The following PI16 variants were observed in gnomAD, a reference collection of about 807,000 sequenced individuals.
PI16 encodes the protein PSP94-binding protein.
A neutral mutation model predicts 38.0 loss-of-function variants in PI16; 35 were observed. That is an observed-to-expected ratio of 0.92 (90% CI 0.70 to 1.22). PI16 has a LOEUF of 1.22. Ranked by LOEUF, PI16 falls within the 50% of genes most tolerant of loss-of-function variation. PI16 has a pLI of 0.00. For missense variants in PI16, 572 were observed against 593.8 expected (o/e 0.96, Z 0.38); for synonymous variants, 275 against 252.9 (o/e 1.09, Z -0.83).
In PI16 at chr6:36,963,380, A is replaced by G. The variant is rs759461289; in HGVS notation, c.1038A>G (p.Ala346=). 5.9e-5 allele frequency: 95 copies of G among 1,614,050 alleles called. No homozygotes were observed. The highest frequency in any genetic ancestry group is 4.2e-5 in the Non-Finnish European group (49 of 1,180,026). Residue 346 remains alanine (A), a synonymous_variant, in exon 5 of 7, where the codon GCA becomes GCG. Transcript: ENST00000373674. ...ACCCCAAGATGTCCCTGACAGGGGC[A>G]AGGGAACTCCTACCCCATGCCCAGG... The part of the protein sequence containing the change: ...SLDPKMSLTG[A]RELLPHAQEE...
Position 36,954,783 on chromosome 6 carries a change from T to C in PI16, c.23T>C (p.Leu8Pro). 1 of 1,613,636 alleles carries C rather than the reference T, an allele frequency of 6.2e-7. No homozygotes were observed. Among genetic ancestry groups the C allele is most frequent in the South Asian group, 1.1e-5 (1 of 91,060 alleles). The stretch of plus-strand genomic sequence containing the variant: ...ACCATGCACGGCTCCTGCAGTTTCC[T>C]GATGCTTCTGCTGCCGCTACTGCTA... MHGSCSF[L>P]MLLLPLLLLL... Residue 8 changes from leucine to proline, a missense_variant, in exon 1 of 7, where the codon CTG becomes CCG. Leu to Pro is a moderately conservative substitution (Grantham distance 98). Transcript: ENST00000373674.
In PI16 at chr6:36,954,866, A is replaced by G; in HGVS notation, c.106A>G (p.Met36Val). The G allele has an allele frequency of 6.2e-7, 1 of 1,613,916 alleles. No homozygotes were observed. The highest frequency in any genetic ancestry group is 8.5e-7 in the Non-Finnish European group (1 of 1,179,986). Reference sequence around the variant, plus strand: ...CCTCACAGATGAGGAGAAACGTTTGATGGTGGAGCTGCACAACCTCTACCG... The same window carrying G: ...CCTCACAGATGAGGAGAAACGTTTGGTGGTGGAGCTGCACAACCTCTACCG... ...GALTDEEKRL[M>V]VELHNLYRAQ... is the part of the protein sequence containing the mutation. Residue 36 changes from methionine (M) to valine (V), a missense_variant, in exon 1 of 7, where the codon ATG becomes GTG. Physicochemically the swap from Met to Val is conservative, Grantham distance 21. Transcript: ENST00000373674.
intron 1 of PI16, among the ~76,000 whole-genome samples, chr6:36,956,307 G>A (rs910980977): frequency 1.3e-5 from 2 of 152,194 alleles, no homozygotes; most frequent in African/African-American, 4.8e-5. Context: ...CCTGATTGAG[G>A]CCTGTGACTC....
Position 36,962,862 on chromosome 6 carries a change from T to C in PI16, c.593-73T>C. On this transcript the variant is annotated intron_variant, in intron 4 of 6. Transcript: ENST00000373674. The surrounding 1 kb of genome is among the most constrained non-coding windows in gnomAD (Gnocchi z 4.1). Reference sequence around the variant, plus strand: ...CTGGTAGGACATTTGGTCGCGTCACTTGGTTTGCAGTGCCATGAGAGATGT... The same window carrying C: ...CTGGTAGGACATTTGGTCGCGTCACCTGGTTTGCAGTGCCATGAGAGATGT... 1 of 1,332,310 alleles carries C rather than the reference T, an allele frequency of 7.5e-7. No individual in the cohort carries two copies. The highest frequency in any genetic ancestry group is 1.0e-6 in the Non-Finnish European group (1 of 966,594). 82.5% of individuals were successfully genotyped at this position (1,332,310 alleles called of 1,614,324 possible). A position where few individuals can be genotyped will look rare whatever the true frequency, so the allele number is the denominator to read the frequency against.
upstream of PI16, among the ~76,000 whole-genome samples, chr6:36,951,340 C>T (rs1056604817): frequency 3.3e-5 from 5 of 151,362 alleles, no homozygotes; most frequent in Non-Finnish European, 7.4e-5. Context: ...GCCTTGACCT[C>T]CCAGGCCCAA....
At chr6:36,952,590 T>G (rs1012543789), upstream of PI16, among the ~76,000 whole-genome samples, 1 of 152,250 alleles carries the variant, frequency 6.6e-6, no homozygotes, top group Non-Finnish European at 1.5e-5. Context: ...CTTGGTACCC[T>G]TGTCTAAAAT....
rs753169563 is a variant in PI16 at position 36,954,906 on chromosome 6, C to T, written c.146C>T (p.Pro49Leu). The change falls in exon 1 of 7, where the codon CCG becomes CTG. Residue 49 changes from proline to leucine, a missense_variant. By Grantham distance (98) the Pro-to-Leu change is moderately conservative (BLOSUM62 -3). Coordinates refer to ENST00000373674, the MANE Select transcript of PI16 (RefSeq NM_153370.3). ...LHNLYRAQVS[P>L]TASDMLHMRW... ...AACCTCTACCGGGCCCAGGTATCCC[C>T]GACGGCCTCAGACATGCTGCACATG... is the stretch of plus-strand genomic sequence containing the variant. 1.6e-4 allele frequency: 260 copies of T among 1,613,444 alleles called. No homozygotes were observed. Among genetic ancestry groups the T allele is most frequent in the Middle Eastern group, 3.5e-4 (2 of 5,700 alleles).
chr6:36,953,390 T>G (rs1763132778), upstream of PI16, among the ~76,000 whole-genome samples: 1 of 152,128 alleles, frequency 6.6e-6, no homozygotes, highest in Non-Finnish European at 1.5e-5. Context: ...TTCTTTTTCA[T>G]TGCTTTTATA....
upstream of PI16, among the ~76,000 whole-genome samples, chr6:36,950,433 T>C (rs879734708): frequency 7.2e-5 from 11 of 152,250 alleles, no homozygotes; most frequent in Non-Finnish European, 1.5e-4. This position sits in a 1 kb window ranked among gnomAD's most constrained non-coding sequence, Gnocchi z 4.2. Context: ...ATTTTGTGTA[T>C]ACTACACTAT....
upstream of PI16, among the ~76,000 whole-genome samples, chr6:36,953,906 G>C (rs1763141274): frequency 6.6e-6 from 1 of 152,144 alleles, no homozygotes; most frequent in Non-Finnish European, 1.5e-5. Context: ...AGAGCACAGG[G>C]GTCCCAGCAT....
chr6:36,950,440 C>T (rs1440444714), upstream of PI16, among the ~76,000 whole-genome samples: 4 of 152,138 alleles, frequency 2.6e-5, no homozygotes, highest in African/African-American at 7.2e-5. This position sits in a 1 kb window ranked among gnomAD's most constrained non-coding sequence, Gnocchi z 4.2. Flanking sequence ...GTATACTACA[C>T]TATTAGTTCA....
intron 1 of PI16, among the ~76,000 whole-genome samples, chr6:36,957,925 G>A (rs960397886): frequency 3.3e-5 from 5 of 152,198 alleles, no homozygotes; most frequent in Admixed American, 6.5e-5. Flanking sequence ...GGCCCCCAGC[G>A]CCCTGCCCCT....
In PI16 at chr6:36,962,351, G is replaced by A. The variant is rs569608288; in HGVS notation, c.592+377G>A. 4.6e-5 allele frequency among the ~76,000 whole-genome samples: 7 copies of A among 152,352 alleles called. No individual in the cohort carries two copies. The highest frequency in any genetic ancestry group is 1.4e-4 in the African/African-American group (6 of 41,580). ...TCTTGCTGGGGGCGTGTGAGGGACC[G>A]CGATCCCGCTGGAGAAGTCCCCTGA... On this transcript the variant is annotated intron_variant, in intron 4 of 6. Coordinates refer to ENST00000373674, the MANE Select transcript of PI16 (RefSeq NM_153370.3). This position sits in a 1 kb window ranked among gnomAD's most constrained non-coding sequence, Gnocchi z 4.1.
chr6:36,949,078 A>G (rs9368976), intron 1 of PI16, among the ~76,000 whole-genome samples: 94,612 of 151,342 alleles, frequency 0.63, 30,008 homozygotes, highest in Admixed American at 0.71. Flanking sequence ...GAGCCACCGC[A>G]CCCAGCCTTA....
rs1296897067 is a variant in PI16 at position 36,963,000 on chromosome 6, C to T, written c.658C>T (p.Arg220Trp). ...PYLVTEAPSF[R>W]ATEASDSRKM... The stretch of plus-strand genomic sequence containing the variant: ...CCTGGTAACTGAGGCCCCATCCTTC[C>T]GGGCGACTGAAGCATCAGACTCTAG... The change falls in exon 5 of 7, where the codon CGG (arginine) becomes TGG (tryptophan). Residue 220 changes from arginine to tryptophan, a missense_variant. By Grantham distance (101) the Arg-to-Trp change is moderately radical. Transcript: ENST00000373674. The surrounding 1 kb of genome is among the most constrained non-coding windows in gnomAD (Gnocchi z 4.1). 6 of 1,614,092 alleles carry T rather than the reference C, an allele frequency of 3.7e-6. 1 individual carries two copies. Among genetic ancestry groups the T allele is most frequent in the Admixed American group, 3.3e-5 (2 of 60,006 alleles).
chr6:36,948,298 A>T (rs932570720), exon 1 of PI16: 1 of 152,300 alleles, frequency 6.6e-6, no homozygotes, highest in Non-Finnish European at 1.5e-5. Context: ...CAGAGGCCAC[A>T]GAGATGACCA....
At chr6:36,963,699 G>C in intron 5 of PI16, 87 bp downstream of exon 5, 1 of 1,547,870 alleles carries the variant, frequency 6.5e-7, no homozygotes, top group Non-Finnish European at 8.8e-7. Context: ...AGCATGGTGG[G>C]GCATGCACCC....
intron 1 of PI16, among the ~76,000 whole-genome samples, chr6:36,948,619 TTTCCTTCCTTCCTCCTTCCCTCC>T (rs1245535990): frequency 0.022 from 1,511 of 67,836 alleles, 44 homozygotes; most frequent in South Asian, 0.15. Flanking sequence ...TCTTTTTTTT[TTTCCTTCCTTCCTCCTTCCCTCC>T]TTCCTCCCTC....
chr6:36,951,372 T>C (rs4714027), upstream of PI16, among the ~76,000 whole-genome samples: 122,273 of 152,020 alleles, frequency 0.8, 49,697 homozygotes, highest in African/African-American at 0.92. Flanking sequence ...ACCTCAGCCT[T>C]CCTAGTAGCT....
Sources: gnomAD v4.1 joint callset for allele counts (sites outside exome capture counted in the v4.1 genomes callset) on GRCh38, gnomAD v4.1.1 for gene constraint, Gnocchi (gnomAD v3.1) non-coding constraint, MANE v1.5 for transcripts, NCBI Gene and HGNC (gene_info 2026-07-23, HGNC 2026-07-21) for gene names.